The following SYNE2 variants were observed in gnomAD, a reference collection of about 807,000 sequenced individuals.
SYNE2 encodes nesprin-2.
SYNE2 carries 431 observed loss-of-function variants against 856.3 expected under a neutral mutation model. That is an observed-to-expected ratio of 0.50 (90% CI 0.47 to 0.55). The LOEUF (loss-of-function observed/expected upper bound fraction) is 0.55. Among genes scored for constraint, SYNE2 ranks in the 20% least tolerant of loss-of-function variants. SYNE2 has a pLI of 0.00. For synonymous variants in SYNE2, 2,923 were observed against 2,872.3 expected, an observed-to-expected ratio of 1.02 and a Z score of -0.56; for missense variants, 8,129 against 8,023.2, an observed-to-expected ratio of 1.01 and a Z score of -0.50.
At position 64,202,719 on chromosome 14, in the gene SYNE2, CT is replaced by C; in HGVS notation, c.18039-80del. The C allele has an allele frequency of 3.2e-6, 5 of 1,577,566 alleles. No homozygotes were observed. In the South Asian group the frequency reaches 4.5e-5, roughly 14 times the overall value. On this transcript the variant is annotated intron_variant, in intron 99 of 115. Coordinates refer to ENST00000555002, the MANE Select transcript of SYNE2 (RefSeq NM_182914.3). ...CCTGCAATGCTCTTACTGGCACATT[CT>C]TCCACCACTAAGTATTGGGCTTTTG... is the stretch of plus-strand genomic sequence containing the variant.
intron 99 of SYNE2, among the ~76,000 whole-genome samples, chr14:64,199,472 CT>C (rs1567621179): frequency 6.6e-6 from 1 of 152,054 alleles, no homozygotes; most frequent in African/African-American, 2.4e-5. Flanking sequence ...AATCCTAGCG[CT>C]TTGGGAGGTT....
chr14:64,164,960 T>C (rs570771070), intron 89 of SYNE2, among the ~76,000 whole-genome samples: 1 of 152,084 alleles, frequency 6.6e-6, no homozygotes, highest in Non-Finnish European at 1.5e-5. Flanking sequence ...TAATTACAGC[T>C]TACTGCAGCC....
intron 96 of SYNE2, among the ~76,000 whole-genome samples, chr14:64,181,561 T>C (rs1216978203): frequency 2.0e-5 from 3 of 152,162 alleles, no homozygotes; most frequent in Non-Finnish European, 4.4e-5. Flanking sequence ...GCAAAAAGCA[T>C]TGAGTTCGTT....
At chr14:64,185,731 G>A (rs1596074823) in intron 96 of SYNE2, among the ~76,000 whole-genome samples, 1 of 152,076 alleles carries the variant, frequency 6.6e-6, no homozygotes, top group East Asian at 1.9e-4. Flanking sequence ...ATGTTGGCCA[G>A]GCTGGTCTTG....
At chr14:64,214,091 G>C (rs773447114) in intron 105 of SYNE2, 103 bp from the exon 106 acceptor site, 1 of 1,552,860 alleles carries the variant, frequency 6.4e-7, no homozygotes, top group Non-Finnish European at 8.8e-7. Flanking sequence ...AATACTATTG[G>C]CAGTTATTTT....
Position 63,952,971 on chromosome 14 carries a change from C to T in SYNE2, c.591-1748C>T, listed in dbSNP as rs556651153. Among the ~76,000 whole-genome samples the T allele has an allele frequency of 2.2e-4, 33 of 152,306 alleles. 1 individual carries two copies. In the East Asian group the frequency reaches 2.5e-3, roughly 12 times the overall value. On this transcript the variant is annotated intron_variant, in intron 7 of 115. Coordinates refer to ENST00000555002, the MANE Select transcript of SYNE2 (RefSeq NM_182914.3). ...CAGACAACTGTACTCTTTTGCAAGA[C>T]TTTCCCTGATCCCTTATGAAGCACA...
intron 1 of SYNE2, among the ~76,000 whole-genome samples, chr14:63,801,047 C>T (rs1888109712): frequency 6.6e-6 from 1 of 152,048 alleles, no homozygotes; most frequent in Non-Finnish European, 1.5e-5. Context: ...TTTTCTTTCC[C>T]TGTTGTATTT....
chr14:63,979,007 A>G lies in SYNE2; in HGVS notation c.1562A>G (p.Asp521Gly), dbSNP rs752415061. 6.2e-7 allele frequency: 1 copy of G among 1,613,694 alleles called. No individual in the cohort carries two copies. Among genetic ancestry groups the G allele is most frequent in the Non-Finnish European group, 8.5e-7 (1 of 1,179,778 alleles). Residue 521 changes from aspartate to glycine, a missense_variant, in exon 14 of 116, where the codon GAC becomes GGC. Around this residue, in one of 3 missense-constraint regions of SYNE2, gnomAD observed 2,422 missense variants for 2,357.4 expected, o/e 1.03. Transcript: ENST00000555002. Reference sequence around the variant, plus strand: ...GAATCTGTGGAATTATTGCTGGAAGACTGGCATGTAAGCTTTTCAATTTTG... The same window carrying G: ...GAATCTGTGGAATTATTGCTGGAAGGCTGGCATGTAAGCTTTTCAATTTTG... ...SRESVELLLEDWHKFIEEKEF... is the reference protein window; with the variant it reads ...SRESVELLLEGWHKFIEEKEF...
chr14:63,991,169 T>G, intron 21 of SYNE2, 54 bp downstream of exon 21: 1 of 1,551,846 alleles, frequency 6.4e-7, no homozygotes, highest in Non-Finnish European at 8.9e-7. Flanking sequence ...CTGCCTATCT[T>G]GTTTGAAATC....
In SYNE2 at chr14:64,003,198, T is replaced by A. The variant is rs1028029604; in HGVS notation, c.4265T>A (p.Phe1422Tyr). ...CATGGCTATGGGGTACAGGAGGAAT[T>A]CACTGAGGAAAACAAATTACTAGAG... is the stretch of plus-strand genomic sequence containing the variant. ...ETHGYGVQEE[F>Y]TEENKLLEAC... Residue 1422 changes from phenylalanine (F) to tyrosine (Y), a missense_variant, in exon 30 of 116, where the codon TTC becomes TAC. Transcript: ENST00000555002. 2.5e-6 allele frequency: 4 copies of A among 1,614,086 alleles called. No individual in the cohort carries two copies. The highest frequency in any genetic ancestry group is 3.4e-6 in the Non-Finnish European group (4 of 1,179,996).
At chr14:63,996,558 C>T (rs528561407) in intron 23 of SYNE2, among the ~76,000 whole-genome samples, 4 of 152,146 alleles carry the variant, frequency 2.6e-5, no homozygotes, top group Non-Finnish European at 4.4e-5. Context: ...TCATTATCTT[C>T]GTGCTTTTCG....
intron 52 of SYNE2, among the ~76,000 whole-genome samples, chr14:64,072,378 C>A (rs1194371923): frequency 6.6e-6 from 1 of 152,218 alleles, no homozygotes; most frequent in Non-Finnish European, 1.5e-5. Flanking sequence ...GACACCAATT[C>A]ATTTCTCACA....
intron 1 of SYNE2, among the ~76,000 whole-genome samples, chr14:63,860,799 T>G (rs913987207): frequency 6.6e-6 from 1 of 152,202 alleles, no homozygotes; most frequent in African/African-American, 2.4e-5. Flanking sequence ...AGTCAATGTC[T>G]CTTGCCACTT....
At chr14:64,207,582 C>A (rs564524841) in intron 100 of SYNE2, among the ~76,000 whole-genome samples, 9 of 151,372 alleles carry the variant, frequency 5.9e-5, no homozygotes, top group African/African-American at 2.2e-4. Flanking sequence ...AAATAGTGGT[C>A]CCATCTAGTA....
chr14:64,128,512 T>C lies in SYNE2; in HGVS notation c.13978T>C (p.Leu4660=). 6.2e-7 allele frequency: 1 copy of C among 1,610,456 alleles called. No homozygotes were observed. Among genetic ancestry groups the C allele is most frequent in the Non-Finnish European group, 8.5e-7 (1 of 1,176,600 alleles). The change falls in exon 74 of 116, where the codon TTG becomes CTG. Residue 4660 remains leucine, a synonymous_variant. Transcript: ENST00000555002. ...GAGTAAGACATCTTTACAACAGTCT[T>C]TGAATGAAATCAGTGGGCAGAGTGT... ...IKSKTSLQQS[L]NEISGQSVAE...
In SYNE2 at chr14:64,102,583, C is replaced by T. The variant is rs557452305; in HGVS notation, c.12492+541C>T. Among the ~76,000 whole-genome samples the T allele has an allele frequency of 8.6e-5, 12 of 140,034 alleles. No individual in the cohort carries two copies. The East Asian group carries it at 1.3e-3, about 15-fold the overall frequency. 91.9% of individuals were successfully genotyped at this position (140,034 alleles called of 152,430 possible). A position where few individuals can be genotyped will look rare whatever the true frequency, so the allele number is the denominator to read the frequency against. On this transcript the variant is annotated intron_variant, in intron 64 of 115. Transcript: ENST00000555002. Reference sequence around the variant, plus strand: ...TACAACATGTTTTGAAATGTGTATACGTTGGAAATGGCTGTATCAAGCTAA... The same window carrying T: ...TACAACATGTTTTGAAATGTGTATATGTTGGAAATGGCTGTATCAAGCTAA...
At chr14:63,803,442 G>A (rs1016563577) in intron 1 of SYNE2, among the ~76,000 whole-genome samples, 2 of 152,194 alleles carry the variant, frequency 1.3e-5, no homozygotes, top group African/African-American at 2.4e-5. Flanking sequence ...GTGAGAAATC[G>A]AGCGCAGTGC....
At chr14:63,983,923 T>C in intron 18 of SYNE2, 37 bp downstream of exon 18, 1 of 1,384,106 alleles carries the variant, frequency 7.2e-7, no homozygotes. Context: ...CACTTGCAAA[T>C]AGAAATAATT....
In SYNE2 at chr14:64,022,029, G is replaced by A; in HGVS notation, c.5524+1G>A. 1 of 1,613,270 alleles carries A rather than the reference G, an allele frequency of 6.2e-7. No individual in the cohort carries two copies. Among genetic ancestry groups the A allele is most frequent in the Non-Finnish European group, 8.5e-7 (1 of 1,179,484 alleles). ...GATCACTTTTCTAAGTTATTGAATG[G>A]TGAGTGCAACATTTCTCTTATTTTG... On this transcript the variant is annotated splice_donor_variant, in intron 37 of 115. Coordinates refer to ENST00000555002, the MANE Select transcript of SYNE2 (RefSeq NM_182914.3). LOFTEE classifies it high-confidence loss of function.
Sources: gnomAD v4.1 joint callset for allele counts (sites outside exome capture counted in the v4.1 genomes callset) on GRCh38, gnomAD v4.1.1 for gene constraint, gnomAD v4.1.1 regional missense constraint, MANE v1.5 for transcripts, NCBI Gene and HGNC (gene_info 2026-07-23, HGNC 2026-07-21) for gene names.